Variants in LRMDA observed in about 807,000 individuals in gnomAD.
LRMDA encodes leucine-rich melanocyte differentiation-associated protein.
Under a neutral mutation model 29.8 loss-of-function variants are expected in LRMDA, and 18 were observed. The ratio of observed to expected loss-of-function variants is 0.60; its 90% CI spans 0.42 to 0.90. The LOEUF is 0.90. Among genes scored for constraint, LRMDA ranks in the 40% least tolerant of loss-of-function variants. The pLI is 0.00. For missense variants in LRMDA, 273 were observed against 273.9 expected (o/e 1.00, Z 0.02); for synonymous variants, 125 against 109.4 (o/e 1.14, Z -0.89).
intron 2 of LRMDA, among the ~76,000 whole-genome samples, chr10:75,880,618 C>T (rs1326384106): frequency 6.6e-6 from 1 of 152,156 alleles, no homozygotes; most frequent in Admixed American, 6.5e-5. Context: ...TTTGTAAGTA[C>T]ACACTTTCAC....
chr10:76,230,926 A>G (rs546694780), intron 5 of LRMDA, among the ~76,000 whole-genome samples: 49 of 152,368 alleles, frequency 3.2e-4, no homozygotes, highest in African/African-American at 1.2e-3. Flanking sequence ...GATATTTTAC[A>G]GCTTCTTTAT....
chr10:75,759,966 G>A (rs1018310409), intron 2 of LRMDA, among the ~76,000 whole-genome samples: 7 of 152,118 alleles, frequency 4.6e-5, no homozygotes, highest in African/African-American at 1.7e-4. Flanking sequence ...GTTTTTACAA[G>A]TTATACTCAG....
chr10:75,988,319 T>C (rs948348041), intron 2 of LRMDA, among the ~76,000 whole-genome samples: 1 of 152,072 alleles, frequency 6.6e-6, no homozygotes, highest in Non-Finnish European at 1.5e-5. Flanking sequence ...CCCTTCTTCC[T>C]CCCTCCAGCC....
intron 5 of LRMDA, among the ~76,000 whole-genome samples, chr10:76,220,762 C>T (rs969012307): frequency 3.3e-5 from 5 of 152,194 alleles, no homozygotes; most frequent in African/African-American, 1.2e-4. Context: ...TCCTCCCTAA[C>T]TCATTTTATG....
At chr10:76,109,830 CTTTAGTGACCTATGTGGCT>C (rs1849547628) in intron 5 of LRMDA, among the ~76,000 whole-genome samples, 1 of 152,176 alleles carries the variant, frequency 6.6e-6, no homozygotes, top group Non-Finnish European at 1.5e-5. Flanking sequence ...CTTTCCTTGG[CTTTAGTGACCTATGTGGCT>C]TTTGACCACC....
intron 2 of LRMDA, among the ~76,000 whole-genome samples, chr10:75,873,289 C>T (rs942679226): frequency 6.6e-6 from 1 of 152,060 alleles, no homozygotes; most frequent in Non-Finnish European, 1.5e-5. Flanking sequence ...TACTTTACAC[C>T]AAAGTTAGCT....
intron 2 of LRMDA, among the ~76,000 whole-genome samples, chr10:75,983,801 T>TGTG (rs2132452080): frequency 6.6e-6 from 1 of 152,238 alleles, no homozygotes; most frequent in East Asian, 1.9e-4. Context: ...ATTACAGGCA[T>TGTG]CCACCACCAT....
At chr10:76,428,821 G>A (rs1842158087) in intron 6 of LRMDA, among the ~76,000 whole-genome samples, 1 of 152,150 alleles carries the variant, frequency 6.6e-6, no homozygotes, top group Non-Finnish European at 1.5e-5. Context: ...AGCAACTTAA[G>A]GCTCTGCCAG....
intron 2 of LRMDA, among the ~76,000 whole-genome samples, chr10:75,488,586 C>T (rs555591524): frequency 1.2e-3 from 186 of 152,194 alleles, no homozygotes; most frequent in Non-Finnish European, 2.1e-3. Flanking sequence ...TTGTTTTTTT[C>T]TTCATGTCCT....
intron 2 of LRMDA, among the ~76,000 whole-genome samples, chr10:75,829,841 C>CTT (rs34025294): frequency 0.021 from 1,890 of 89,298 alleles, 80 homozygotes; most frequent in African/African-American, 0.061. Context: ...GAATAGGCCA[C>CTT]TTTTTTTTTT....
At chr10:76,548,487 A>C (rs1454200827) in intron 6 of LRMDA, among the ~76,000 whole-genome samples, 1 of 152,096 alleles carries the variant, frequency 6.6e-6, no homozygotes. Flanking sequence ...AGGCTAAAAA[A>C]CAAAATTTGG....
Position 75,943,881 on chromosome 10 carries a change from G to A in LRMDA, c.132-92127G>A, listed in dbSNP as rs140561819. 7.2e-4 allele frequency among the ~76,000 whole-genome samples: 109 copies of A among 152,256 alleles called. No individual in the cohort carries two copies. In the East Asian group the frequency reaches 0.02, roughly 29 times the overall value. ...TGCATGTGGTTGTATGCTCTGCTCT[G>A]CTGTCTCACATACACTTATAATCAT... On this transcript the variant is annotated intron_variant, in intron 2 of 6. Coordinates refer to ENST00000611255, the MANE Select transcript of LRMDA (RefSeq NM_001305581.2).
chr10:76,148,785 A>G (rs1375374116), intron 5 of LRMDA, among the ~76,000 whole-genome samples: 1 of 152,024 alleles, frequency 6.6e-6, no homozygotes, highest in Non-Finnish European at 1.5e-5. Context: ...TGTGTTGCTC[A>G]CGCTCGGAGC....
At chr10:76,296,526 C>T (rs1232398625) in intron 5 of LRMDA, among the ~76,000 whole-genome samples, 1 of 152,232 alleles carries the variant, frequency 6.6e-6, no homozygotes, top group Non-Finnish European at 1.5e-5. Context: ...AATAGCCATA[C>T]AGCTGTTGTT....
At chr10:76,527,405 A>G (rs1047957907) in intron 6 of LRMDA, among the ~76,000 whole-genome samples, 1 of 152,152 alleles carries the variant, frequency 6.6e-6, no homozygotes, top group Non-Finnish European at 1.5e-5. Flanking sequence ...ATCTCATGCA[A>G]ATTACATAAC....
At chr10:75,482,956 T>C (rs1279902108) in intron 2 of LRMDA, among the ~76,000 whole-genome samples, 1 of 152,126 alleles carries the variant, frequency 6.6e-6, no homozygotes, top group African/African-American at 2.4e-5. Context: ...TCCTTCTTTT[T>C]TTTTTTGAGA....
intron 5 of LRMDA, among the ~76,000 whole-genome samples, chr10:76,206,021 G>A (rs566593144): frequency 6.6e-6 from 1 of 152,150 alleles, no homozygotes; most frequent in South Asian, 2.1e-4. Context: ...CATTGGCCTA[G>A]ATAATCATCC....
chr10:76,229,892 T>G (rs1259277651), intron 5 of LRMDA, among the ~76,000 whole-genome samples: 4 of 152,188 alleles, frequency 2.6e-5, no homozygotes, highest in African/African-American at 9.7e-5. Context: ...CTTAGTTCAC[T>G]TTCTTAAGCC....
intron 2 of LRMDA, among the ~76,000 whole-genome samples, chr10:75,630,434 G>A (rs1841308766): frequency 6.6e-6 from 1 of 152,232 alleles, no homozygotes; most frequent in Admixed American, 6.5e-5. Context: ...AAGCAAGCAA[G>A]CATAATATAA....
Sources: gnomAD v4.1 joint callset for allele counts (sites outside exome capture counted in the v4.1 genomes callset) on GRCh38, gnomAD v4.1.1 for gene constraint, MANE v1.5 for transcripts, NCBI Gene and HGNC (gene_info 2026-07-23, HGNC 2026-07-21) for gene names.